The following HDGFL3 variants were observed in gnomAD, a reference collection of about 807,000 sequenced individuals.
HDGFL3 encodes the protein hepatoma-derived growth factor-related protein 3.
Under a neutral mutation model 27.6 loss-of-function variants are expected in HDGFL3, and 6 were observed. That is an observed-to-expected ratio of 0.22 (90% CI 0.12 to 0.43). The LOEUF is 0.43. HDGFL3 is among the 20% of genes least tolerant of loss of function. The probability of loss-of-function intolerance (pLI) is 1.00; values close to 1 mark genes in which losing one functional copy is unlikely to be tolerated. For missense variants in HDGFL3, 207 were observed against 250.1 expected (o/e 0.83, Z 1.16); for synonymous variants, 88 against 88.9 (o/e 0.99, Z 0.05).
intron 1 of HDGFL3, among the ~76,000 whole-genome samples, chr15:83,203,220 CAT>C (rs886261197): frequency 1.8e-4 from 28 of 152,124 alleles, no homozygotes; most frequent in Non-Finnish European, 3.1e-4. Context: ...TAGGGGGTAA[CAT>C]AAGCAGAGTG....
chr15:83,197,381 T>C (rs2037584471), intron 1 of HDGFL3, among the ~76,000 whole-genome samples: 1 of 152,218 alleles, frequency 6.6e-6, no homozygotes, highest in Non-Finnish European at 1.5e-5. Flanking sequence ...ACAGTAACTT[T>C]TCAGAAATGT....
intron 5 of HDGFL3, among the ~76,000 whole-genome samples, chr15:83,144,299 C>T (rs2036846765): frequency 6.6e-6 from 1 of 152,154 alleles, no homozygotes; most frequent in Non-Finnish European, 1.5e-5. Context: ...GGATAGGTAG[C>T]CTTCTGATAT....
At chr15:83,154,107 G>A (rs887512351) in intron 4 of HDGFL3, among the ~76,000 whole-genome samples, 7 of 151,620 alleles carry the variant, frequency 4.6e-5, no homozygotes, top group African/African-American at 1.7e-4. Context: ...TTGAGCTCAG[G>A]AGTTTGAGAC....
In HDGFL3 at chr15:83,130,656, A is replaced by C. The variant is rs569122329; in HGVS notation, c.*8614T>G. On this transcript the variant is annotated 3_prime_UTR_variant, in exon 6 of 6. Transcript: ENST00000299633. ...CTACCCACTTATAGTGTGTAGGCTA[A>C]GGAAAAGTTAGAAGCCATGCCGCAA... The C allele has an allele frequency of 1.3e-5, 2 of 152,374 alleles. No individual in the cohort carries two copies. Among genetic ancestry groups the C allele is most frequent in the Admixed American group, 1.3e-4 (2 of 15,310 alleles). The allele number at this position is 152,374 out of a possible 1,614,324, so 9.4% of individuals were successfully genotyped here.
intron 2 of HDGFL3, among the ~76,000 whole-genome samples, chr15:83,161,709 C>T (rs1487751264): frequency 6.6e-6 from 1 of 152,132 alleles, no homozygotes; most frequent in Non-Finnish European, 1.5e-5. Context: ...CCTGAATGAA[C>T]TGTTCTAAAA....
Position 83,160,166 on chromosome 15 carries a change from T to C in HDGFL3, c.162-2125A>G, listed in dbSNP as rs182548006. ...TGCATATGGCATATGTGAGAAAGGGTAGAGGAGTTGAGGATATCTCTAAGG... is the reference window on the plus strand; with the variant it reads ...TGCATATGGCATATGTGAGAAAGGGCAGAGGAGTTGAGGATATCTCTAAGG... On this transcript the variant is annotated intron_variant, in intron 2 of 5. Transcript: ENST00000299633. 1.7e-3 allele frequency among the ~76,000 whole-genome samples: 263 copies of C among 151,912 alleles called. 1 individual carries two copies. Among genetic ancestry groups the C allele is most frequent in the African/African-American group, 6.1e-3 (253 of 41,432 alleles).
At chr15:83,124,292 G>A (rs2035535441), downstream of HDGFL3, among the ~76,000 whole-genome samples, 1 of 152,110 alleles carries the variant, frequency 6.6e-6, no homozygotes, top group Non-Finnish European at 1.5e-5. Context: ...GTGTATATAT[G>A]TATGTTGTGT....
intron 1 of HDGFL3, among the ~76,000 whole-genome samples, chr15:83,175,010 C>A (rs2037291480): frequency 6.6e-6 from 1 of 152,188 alleles, no homozygotes; most frequent in African/African-American, 2.4e-5. Flanking sequence ...TTAATGACTT[C>A]TGTGAAAAGA....
downstream of HDGFL3, chr15:83,127,305 A>G: frequency 6.7e-7 from 1 of 1,488,688 alleles, no homozygotes; most frequent in Non-Finnish European, 8.9e-7. Flanking sequence ...CTTTTTAGTC[A>G]GGCCAAGTTA....
At chr15:83,177,922 ATAGTGG>A (rs2037333378) in intron 1 of HDGFL3, among the ~76,000 whole-genome samples, 3 of 152,250 alleles carry the variant, frequency 2.0e-5, no homozygotes, top group Admixed American at 2.0e-4. Context: ...ATTAAAAACA[ATAGTGG>A]TACAGAAATC....
chr15:83,150,585 G>A (rs923357135), intron 5 of HDGFL3, among the ~76,000 whole-genome samples: 1 of 152,164 alleles, frequency 6.6e-6, no homozygotes, highest in Non-Finnish European at 1.5e-5. Flanking sequence ...TAAATGATTT[G>A]ACATTGTCTA....
chr15:83,130,984 G>C lies in HDGFL3; in HGVS notation c.*8286C>G, dbSNP rs1380112197. On this transcript the variant is annotated 3_prime_UTR_variant, in exon 6 of 6. Coordinates refer to ENST00000299633, the MANE Select transcript of HDGFL3 (RefSeq NM_016073.4). The stretch of plus-strand genomic sequence containing the variant: ...CATATGCCTGCAGTCCCAGCTACTA[G>C]GAAGGCTGAGGTGGGAGGATCACTT... 6.6e-6 allele frequency: 1 copy of C among 152,194 alleles called. No individual in the cohort carries two copies. The allele number at this position is 152,194 out of a possible 1,614,324, so 9.4% of individuals were successfully genotyped here.
At chr15:83,124,298 TG>T (rs1173814138), downstream of HDGFL3, among the ~76,000 whole-genome samples, 1 of 152,194 alleles carries the variant, frequency 6.6e-6, no homozygotes, top group Non-Finnish European at 1.5e-5. Flanking sequence ...ATATGTATGT[TG>T]TGTGTATGTA....
Position 83,129,481 on chromosome 15 carries a change from T to C in HDGFL3, c.*9789A>G, listed in dbSNP as rs545994366. 3 of 152,260 alleles carry C rather than the reference T, an allele frequency of 2.0e-5. No individual in the cohort carries two copies. Among genetic ancestry groups the C allele is most frequent in the Admixed American group, 1.3e-4 (2 of 15,282 alleles). 9.4% of individuals were successfully genotyped at this position (152,260 alleles called of 1,614,324 possible). On this transcript the variant is annotated 3_prime_UTR_variant, in exon 6 of 6. Coordinates refer to ENST00000299633, the MANE Select transcript of HDGFL3 (RefSeq NM_016073.4). ...GGACACATAATAATATCTTTTGTAA[T>C]AGCTCTGGGAAAAAAACCCCAATTT...
At chr15:83,170,518 G>A (rs1173375443) in intron 1 of HDGFL3, among the ~76,000 whole-genome samples, 2 of 152,194 alleles carry the variant, frequency 1.3e-5, no homozygotes, top group Non-Finnish European at 2.9e-5. Context: ...CTACCCAAAT[G>A]CAGAAGAATG....
downstream of HDGFL3, chr15:83,124,808 T>G (rs1596505185): frequency 6.7e-7 from 1 of 1,497,246 alleles, no homozygotes; most frequent in Non-Finnish European, 9.3e-7. Context: ...AACGTAACAT[T>G]GTGATACTAC....
At chr15:83,158,771 G>A (rs536486295) in intron 2 of HDGFL3, among the ~76,000 whole-genome samples, 4 of 152,160 alleles carry the variant, frequency 2.6e-5, no homozygotes, top group Non-Finnish European at 4.4e-5. Context: ...GCATCCACTG[G>A]AGGTCTTGGA....
chr15:83,151,828 T>G (rs1316942373), intron 4 of HDGFL3, among the ~76,000 whole-genome samples: 1 of 152,228 alleles, frequency 6.6e-6, no homozygotes, highest in Non-Finnish European at 1.5e-5. Flanking sequence ...GAACACCTCT[T>G]GAAGCTGTTT....
At chr15:83,171,716 A>G (rs943916008) in intron 1 of HDGFL3, among the ~76,000 whole-genome samples, 2 of 152,020 alleles carry the variant, frequency 1.3e-5, no homozygotes, top group African/African-American at 4.8e-5. Context: ...AAAGATGAGA[A>G]CAGTAGACAC....
Sources: allele counts gnomAD v4.1 joint callset (sites outside exome capture counted in the v4.1 genomes callset), GRCh38; gene constraint gnomAD v4.1.1; transcripts MANE v1.5; gene names NCBI Gene and HGNC (gene_info 2026-07-23, HGNC 2026-07-21).